Variants in ADAMTS10 observed in about 807,000 individuals in gnomAD.
ADAMTS10 encodes the protein ADAM metallopeptidase with thrombospondin type 1 motif 10, also known as A disintegrin and metalloproteinase with thrombospondin motifs 10.
In ADAMTS10, 48 loss-of-function variants were observed where a neutral mutation model predicts 135.9. That is an observed-to-expected ratio of 0.35 (90% confidence interval 0.28 to 0.45). The LOEUF (loss-of-function observed/expected upper bound fraction) is 0.45. Ranked by LOEUF, ADAMTS10 falls within the 20% of genes least tolerant of loss-of-function variation. The pLI, the probability that ADAMTS10 is intolerant of heterozygous loss-of-function variation, is 1.00. For synonymous variants in ADAMTS10, 621 were observed against 647.5 expected (o/e 0.96, Z 0.62); for missense variants, 1,131 against 1,565.2 (o/e 0.72, Z 4.68).
At position 8,601,870 on chromosome 19, in the gene ADAMTS10, G is replaced by A. The variant is rs181578480; in HGVS notation, c.593-725C>T. 3.1e-3 allele frequency among the ~76,000 whole-genome samples: 477 copies of A among 152,168 alleles called. 1 individual carries two copies. Among genetic ancestry groups the A allele is most frequent in the African/African-American group, 9.3e-3 (385 of 41,520 alleles). On this transcript the variant is annotated intron_variant, in intron 5 of 25. Coordinates refer to ENST00000597188, the MANE Select transcript of ADAMTS10 (RefSeq NM_030957.4). This position sits in a 1 kb window ranked among gnomAD's most constrained non-coding sequence, Gnocchi z 4.6. Reference sequence around the variant, plus strand: ...ACCTGTTCAGCTACCAGCCTGCCCCGCTGCCCAAATGTCCAACTGAACACT... The same window carrying A: ...ACCTGTTCAGCTACCAGCCTGCCCCACTGCCCAAATGTCCAACTGAACACT...
At chr19:8,582,671 T>A (rs991230915) in intron 25 of ADAMTS10, 15 of 138,892 alleles carry the variant, frequency 1.1e-4, no homozygotes, top group African/African-American at 4.6e-4. Context: ...CAGATGGATT[T>A]TTTTTTTTTT....
At position 8,586,359 on chromosome 19, in the gene ADAMTS10, C is replaced by A; in HGVS notation, c.2515G>T (p.Ala839Ser). 1 of 1,613,762 alleles carries A rather than the reference C, an allele frequency of 6.2e-7. No homozygotes were observed. Among genetic ancestry groups the A allele is most frequent in the Non-Finnish European group, 8.5e-7 (1 of 1,179,950 alleles). Reference protein sequence around the residue: ...WHYAPWTKCSAQCAGGSQVQA... With the variant: ...WHYAPWTKCSSQCAGGSQVQA... The stretch of plus-strand genomic sequence containing the variant: ...CCGGCCTCACCGCCTGCACACTGGG[C>A]CGAGCACTTGGTCCAGGGCGCATAG... Residue 839 changes from alanine to serine, a missense_variant, in exon 21 of 26, where the codon GCC becomes TCC. Coordinates refer to ENST00000597188, the MANE Select transcript of ADAMTS10 (RefSeq NM_030957.4).
rs1352781130 is a variant in ADAMTS10, at chr19:8,601,337, C to A, written c.593-192G>T. Among the ~76,000 whole-genome samples, 2 of 151,802 alleles carry A rather than the reference C, an allele frequency of 1.3e-5. No individual in the cohort carries two copies. Among genetic ancestry groups the A allele is most frequent in the Admixed American group, 1.3e-4 (2 of 15,216 alleles). On this transcript the variant is annotated intron_variant, in intron 5 of 25. Transcript: ENST00000597188. The surrounding 1 kb of genome is among the most constrained non-coding windows in gnomAD (Gnocchi z 4.6). ...ATGGTCTGTCTGCCCAATGGGCTGC[C>A]AAACACCTCATCGTTTTTCTTATTC...
At chr19:8,587,275 GCCTCTGGAGTA>G (rs2042447163) in intron 18 of ADAMTS10, among the ~76,000 whole-genome samples, 1 of 148,510 alleles carries the variant, frequency 6.7e-6, no homozygotes, top group African/African-American at 2.5e-5. Flanking sequence ...TCCCACCTCA[GCCTCTGGAGTA>G]GCTGGGACTA....
At position 8,605,146 on chromosome 19, in the gene ADAMTS10, GCCCTGC is replaced by G. The variant is rs1555742273; in HGVS notation, c.295_300del (p.Ala99_Gly100del). 6.2e-7 allele frequency: 1 copy of G among 1,613,780 alleles called. No individual in the cohort carries two copies. On this transcript the variant is annotated inframe_deletion, in exon 4 of 26. Transcript: ENST00000597188. This position sits in a 1 kb window ranked among gnomAD's most constrained non-coding sequence, Gnocchi z 7.7. The stretch of plus-strand genomic sequence containing the variant: ...CGTGTCCAGTACTCCACGGAGACGT[GCCCTGC>G]CAGTAGACGGGAGCTGCGGGTCAGG...
intron 13 of ADAMTS10, 65 bp from the exon 14 acceptor site, chr19:8,592,168 G>A (rs1355511824): frequency 1.2e-6 from 2 of 1,608,276 alleles, no homozygotes; most frequent in Admixed American, 1.7e-5. Context: ...CCCATGCACC[G>A]TTCCCCACTC....
At chr19:8,598,030 T>C (rs1600112622) in intron 6 of ADAMTS10, among the ~76,000 whole-genome samples, 1 of 151,890 alleles carries the variant, frequency 6.6e-6, no homozygotes, top group East Asian at 1.9e-4. Flanking sequence ...GCCAGGCTGG[T>C]CTTGAACTCC....
At chr19:8,609,560 C>A (rs1215098840) in intron 1 of ADAMTS10, among the ~76,000 whole-genome samples, 1 of 152,114 alleles carries the variant, frequency 6.6e-6, no homozygotes, top group Non-Finnish European at 1.5e-5. Context: ...GGCTGCACAT[C>A]TGGCCGGGCC....
Position 8,585,466 on chromosome 19 carries a change from T to C in ADAMTS10, c.2855A>G (p.Asp952Gly). 6.5e-7 allele frequency: 1 copy of C among 1,536,200 alleles called. No individual in the cohort carries two copies. The highest frequency in any genetic ancestry group is 8.8e-7 in the Non-Finnish European group (1 of 1,139,988). The change falls in exon 23 of 26, where the codon GAC becomes GGC. Residue 952 changes from aspartate (D) to glycine (G), a missense_variant. This residue lies in a region of ADAMTS10 where 745 missense variants were observed against 1,056.3 expected (regional missense o/e 0.71). Transcript: ENST00000597188. ...AAGGGGGCGGCTGACCTCAGACCAG[T>C]CGAGGGCCGCCCACTCCGGAGGGCA... ...PTCPPEWAAL[D>G]WSECTPSCGP...
intron 6 of ADAMTS10, 41 bp from the exon 7 acceptor site, chr19:8,597,358 GC>G: frequency 6.4e-7 from 1 of 1,572,758 alleles, no homozygotes; most frequent in Non-Finnish European, 8.7e-7. Context: ...CTTAAGAGGA[GC>G]CCAGGGTAGA....
chr19:8,586,315 C>G lies in ADAMTS10; in HGVS notation c.2530+29G>C, dbSNP rs368291203. The G allele has an allele frequency of 3.1e-6, 5 of 1,613,346 alleles. No homozygotes were observed. In the African/African-American group the frequency reaches 5.3e-5, roughly 17 times the overall value. On this transcript the variant is annotated intron_variant, in intron 21 of 25. Transcript: ENST00000597188. ...GCCCAGAGAACCTCAGCCCAGGTAT[C>G]TTGTGCCTTCCCCCACCCCCGGCCT...
Position 8,586,815 on chromosome 19 carries a change from C to T in ADAMTS10, c.2239+1G>A, listed in dbSNP as rs782338897. ...TCATCCCCTCCCCACCATCTGCTCA[C>T]CCAAGTGACTGAGAGAGAGGTTCAG... On this transcript the variant is annotated splice_donor_variant, in intron 19 of 25. Coordinates refer to ENST00000597188, the MANE Select transcript of ADAMTS10 (RefSeq NM_030957.4). LOFTEE classifies it high-confidence loss of function. 6.2e-7 allele frequency: 1 copy of T among 1,614,158 alleles called. No individual in the cohort carries two copies. The highest frequency in any genetic ancestry group is 1.3e-5 in the African/African-American group (1 of 75,042).
Position 8,605,619 on chromosome 19 carries a change from C to G in ADAMTS10, c.88+4G>C, listed in dbSNP as rs781809994. ...CCCCACCGCCACCACCAGACTTCCC[C>G]TACCTTGAGACCGGAAGGCGTGCGT... is the stretch of plus-strand genomic sequence containing the variant. On this transcript the variant is annotated splice_donor_region_variant and intron_variant, in intron 3 of 25. Coordinates refer to ENST00000597188, the MANE Select transcript of ADAMTS10 (RefSeq NM_030957.4). This position sits in a 1 kb window ranked among gnomAD's most constrained non-coding sequence, Gnocchi z 7.7. 6.2e-7 allele frequency: 1 copy of G among 1,613,528 alleles called. No homozygotes were observed. Among genetic ancestry groups the G allele is most frequent in the South Asian group, 1.1e-5 (1 of 90,960 alleles).
chr19:8,610,218 C>T (rs1555743246), intron 1 of ADAMTS10, among the ~76,000 whole-genome samples: 2 of 151,754 alleles, frequency 1.3e-5, no homozygotes, highest in South Asian at 2.1e-4. Flanking sequence ...GGTATTTACA[C>T]ACTCATCACG....
rs35269308 is a variant in ADAMTS10, at chr19:8,609,234, CTG to C, written c.-214-988_-214-987del. ...TTATGGCTTGTGAGTGTGTGTGACC[CTG>C]TGTGTGTGTGTGTGTGTGTGTGTAC... On this transcript the variant is annotated intron_variant, in intron 1 of 25. Transcript: ENST00000597188. Among the ~76,000 whole-genome samples, 184 of 139,644 alleles carry C rather than the reference CTG, an allele frequency of 1.3e-3. 2 individuals carry two copies. In the East Asian group the frequency reaches 0.019, roughly 15 times the overall value. 91.6% of individuals were successfully genotyped at this position (139,644 alleles called of 152,430 possible). A position where few individuals can be genotyped will look rare whatever the true frequency, so the allele number is the denominator to read the frequency against.
rs77821332 is a variant in ADAMTS10 at position 8,595,651 on chromosome 19, C to A, written c.1479+111G>T. ...ATGGGGGCTCACCTCACCCCCCTTC[C>A]CGGTTCTCCCACCCCCTCACTTCCC... On this transcript the variant is annotated intron_variant, in intron 12 of 25. Transcript: ENST00000597188. 2.8e-4 allele frequency: 434 copies of A among 1,544,860 alleles called. 2 individuals carry two copies. In the East Asian group the frequency reaches 9.4e-3, roughly 33 times the overall value.
intron 2 of ADAMTS10, among the ~76,000 whole-genome samples, chr19:8,607,103 G>T (rs563757821): frequency 1.2e-4 from 18 of 152,108 alleles, no homozygotes; most frequent in African/African-American, 3.9e-4. Flanking sequence ...GCACTTGAAG[G>T]GGGGGCTGGT....
rs1253457568 is a variant in ADAMTS10, at chr19:8,585,508, G to C, written c.2813C>G (p.Ala938Gly). Reference sequence around the variant, plus strand: ...CGGAGGGCAAGTGGGGCCGTGGCAGGCCTCCAGTACAGGTGGGCGCGGCTG... The same window carrying C: ...CGGAGGGCAAGTGGGGCCGTGGCAGCCCTCCAGTACAGGTGGGCGCGGCTG... ...CPQPRPPVLEACHGPTCPPEW... is the reference protein window; with the variant it reads ...CPQPRPPVLEGCHGPTCPPEW... Residue 938 changes from alanine to glycine, a missense_variant, in exon 23 of 26, where the codon GCC (alanine) becomes GGC (glycine). Ala to Gly is a moderately conservative substitution (Grantham distance 60). Around this residue, in one of 3 missense-constraint regions of ADAMTS10, gnomAD observed 745 missense variants for 1,056.3 expected, o/e 0.71. Transcript: ENST00000597188. The C allele has an allele frequency of 1.9e-6, 3 of 1,546,718 alleles. No individual in the cohort carries two copies. The highest frequency in any genetic ancestry group is 2.6e-6 in the Non-Finnish European group (3 of 1,144,252).
At chr19:8,581,135 T>G in intron 25 of ADAMTS10, 133 bp from the exon 26 acceptor site, 1 of 145,640 alleles carries the variant, frequency 6.9e-6, no homozygotes, top group South Asian at 1.6e-4. Flanking sequence ...ATTTACTTTT[T>G]TTTTTTTTTT....
Sources: gnomAD v4.1 joint callset for allele counts (sites outside exome capture counted in the v4.1 genomes callset) on GRCh38, gnomAD v4.1.1 for gene constraint, gnomAD v4.1.1 regional missense constraint, Gnocchi (gnomAD v3.1) non-coding constraint, MANE v1.5 for transcripts, NCBI Gene and HGNC (gene_info 2026-07-23, HGNC 2026-07-21) for gene names.